The following GIGYF2 variants were observed in gnomAD, a reference collection of about 807,000 sequenced individuals.
GIGYF2 encodes GRB10 interacting GYF protein 2, also known as GRB10-interacting GYF protein 2.
GIGYF2 carries 25 observed loss-of-function variants against 208.1 expected under a neutral mutation model. That is an observed-to-expected ratio of 0.12 (90% CI 0.09 to 0.17). GIGYF2 has a LOEUF of 0.17. Ranked by LOEUF, GIGYF2 falls within the 10% of genes least tolerant of loss-of-function variation. The pLI, the probability that GIGYF2 is intolerant of heterozygous loss-of-function variation, is 1.00. For synonymous variants in GIGYF2, 534 were observed against 543.8 expected, an observed-to-expected ratio of 0.98 and a Z score of 0.25; for missense variants, 1,302 against 1,579.4, an observed-to-expected ratio of 0.82 and a Z score of 2.98.
At chr2:232,818,824 A>G (rs1574920000) in intron 20 of GIGYF2, among the ~76,000 whole-genome samples, 2 of 152,162 alleles carry the variant, frequency 1.3e-5, no homozygotes, top group Admixed American at 1.3e-4. Context: ...GTAAATTATA[A>G]TAAGTTGACC....
intron 12 of GIGYF2, among the ~76,000 whole-genome samples, chr2:232,792,860 T>C (rs1038482585): frequency 6.6e-6 from 1 of 152,186 alleles, no homozygotes; most frequent in African/African-American, 2.4e-5. Context: ...TAGATATATA[T>C]ATTCTGAGAA....
chr2:232,718,992 A>T (rs1279708640), intron 2 of GIGYF2: 4 of 147,794 alleles, frequency 2.7e-5, no homozygotes, highest in African/African-American at 9.9e-5. Context: ...GATTTGTAGT[A>T]GCACTTTTTT....
At chr2:232,698,731 G>A (rs1203755734) in intron 1 of GIGYF2, among the ~76,000 whole-genome samples, 1 of 152,172 alleles carries the variant, frequency 6.6e-6, no homozygotes, top group Non-Finnish European at 1.5e-5. Context: ...AAAGTGGCAC[G>A]TAACTGGAAA....
chr2:232,754,033 C>T (rs1333516015), intron 5 of GIGYF2, among the ~76,000 whole-genome samples: 3 of 152,072 alleles, frequency 2.0e-5, no homozygotes, highest in African/African-American at 7.2e-5. Flanking sequence ...GGCATGGTGG[C>T]ATGCGCCTGT....
chr2:232,839,750 G>T, intron 22 of GIGYF2, 99 bp from the exon 23 acceptor site: 1 of 1,191,642 alleles, frequency 8.4e-7, no homozygotes. Context: ...ATGGAGTTGA[G>T]AGAAATGCAT....
chr2:232,826,931 C>G (rs896098473), intron 21 of GIGYF2, among the ~76,000 whole-genome samples: 4 of 152,148 alleles, frequency 2.6e-5, no homozygotes, highest in African/African-American at 9.7e-5. Context: ...AAGCCAAGAC[C>G]ATCAAAAAAG....
chr2:232,824,792 G>A (rs1280958588), intron 21 of GIGYF2, among the ~76,000 whole-genome samples: 2 of 152,214 alleles, frequency 1.3e-5, no homozygotes, highest in Non-Finnish European at 2.9e-5. Flanking sequence ...GACTTTCATA[G>A]CTAGAGAGGA....
At position 232,760,327 on chromosome 2, in the gene GIGYF2, C is replaced by G; in HGVS notation, c.380-153C>G. ...CAGCTACTTCAATGCCATTGTTGGTCTCATAAGTCAAGATCATCAGGCCTC... is the reference window on the plus strand; with the variant it reads ...CAGCTACTTCAATGCCATTGTTGGTGTCATAAGTCAAGATCATCAGGCCTC... On this transcript the variant is annotated intron_variant, in intron 6 of 28. Coordinates refer to ENST00000373563, the MANE Select transcript of GIGYF2 (RefSeq NM_001103146.3). The G allele has an allele frequency of 7.8e-6, 5 of 638,698 alleles. No homozygotes were observed. The South Asian group carries it at 8.8e-5, about 11-fold the overall frequency. 39.6% of individuals were successfully genotyped at this position (638,698 alleles called of 1,614,324 possible).
intron 3 of GIGYF2, among the ~76,000 whole-genome samples, chr2:232,747,243 A>G (rs1042000315): frequency 6.6e-6 from 1 of 152,220 alleles, no homozygotes; most frequent in Non-Finnish European, 1.5e-5. Flanking sequence ...AACACCTGGT[A>G]TTATCAGACT....
chr2:232,842,235 G>C (rs35890205), intron 23 of GIGYF2, among the ~76,000 whole-genome samples: 1,856 of 152,134 alleles, frequency 0.012, 43 homozygotes, highest in African/African-American at 0.042. Flanking sequence ...CTGTCACCCA[G>C]GCTGGAGTGC....
At chr2:232,734,215 A>G (rs1303581961) in intron 2 of GIGYF2, among the ~76,000 whole-genome samples, 3 of 144,764 alleles carry the variant, frequency 2.1e-5, no homozygotes, top group Non-Finnish European at 3.0e-5. Context: ...CTCCCAAATT[A>G]TAAATTTATT....
At chr2:232,701,053 A>G (rs1206872743) in intron 1 of GIGYF2, among the ~76,000 whole-genome samples, 2 of 152,172 alleles carry the variant, frequency 1.3e-5, no homozygotes, top group Non-Finnish European at 2.9e-5. Context: ...TTAATTATGT[A>G]GGAATGTAAA....
At chr2:232,803,542 A>G (rs944295874) in intron 14 of GIGYF2, among the ~76,000 whole-genome samples, 18 of 152,010 alleles carry the variant, frequency 1.2e-4, no homozygotes, top group African/African-American at 4.1e-4. Flanking sequence ...TGTTTTCTCA[A>G]TGAGTGTCCG....
intron 8 of GIGYF2, chr2:232,771,107 C>G: frequency 1.2e-6 from 2 of 1,614,036 alleles, no homozygotes; most frequent in East Asian, 2.2e-5. Context: ...TGATCTAGTT[C>G]CAGATCACCA....
chr2:232,827,981 CTTTTCTTTTCT>C (rs542127308), intron 21 of GIGYF2, among the ~76,000 whole-genome samples: 169 of 150,772 alleles, frequency 1.1e-3, no homozygotes, highest in Non-Finnish European at 1.8e-3. Context: ...ATTTGGGAGC[CTTTTCTTTTCT>C]TTTTCTTTTT....
At chr2:232,831,967 G>C (rs1701435149) in intron 21 of GIGYF2, among the ~76,000 whole-genome samples, 2 of 151,682 alleles carry the variant, frequency 1.3e-5, no homozygotes, top group Admixed American at 6.5e-5. Flanking sequence ...TTAAACCTCT[G>C]ATGTGGCAGG....
At chr2:232,842,237 C>T (rs1033217081) in intron 23 of GIGYF2, among the ~76,000 whole-genome samples, 23 of 152,036 alleles carry the variant, frequency 1.5e-4, no homozygotes, top group Admixed American at 2.6e-4. Context: ...GTCACCCAGG[C>T]TGGAGTGCAG....
rs1046380705 is a variant in GIGYF2 at position 232,806,009 on chromosome 2, A to G, written c.1640-482A>G. The stretch of plus-strand genomic sequence containing the variant: ...TTTCATATTATAAAACATTTAGAGA[A>G]TACTCGTTTTTTCCCCACTACCAAG... On this transcript the variant is annotated intron_variant, in intron 14 of 28. Coordinates refer to ENST00000373563, the MANE Select transcript of GIGYF2 (RefSeq NM_001103146.3). The surrounding 1 kb of genome is among the most constrained non-coding windows in gnomAD (Gnocchi z 4.0). Among the ~76,000 whole-genome samples, 1 of 91,494 alleles carries G rather than the reference A, an allele frequency of 1.1e-5. No individual in the cohort carries two copies. The allele number at this position is 91,494 out of a possible 152,430, so 60.0% of individuals were successfully genotyped here.
rs1032963889 is a variant in GIGYF2, at chr2:232,750,016, C to T, written c.267+934C>T. On this transcript the variant is annotated intron_variant, in intron 5 of 28. Coordinates refer to ENST00000373563, the MANE Select transcript of GIGYF2 (RefSeq NM_001103146.3). ...CCTGGCCAACATGGTGAAACCCTATCTCTACTAAAAATAAAAAAATTAGCC... is the reference window on the plus strand; with the variant it reads ...CCTGGCCAACATGGTGAAACCCTATTTCTACTAAAAATAAAAAAATTAGCC... 5.3e-5 allele frequency among the ~76,000 whole-genome samples: 8 copies of T among 152,030 alleles called. No individual in the cohort carries two copies. In the South Asian group the frequency reaches 1.7e-3, roughly 32 times the overall value.
Sources: allele counts gnomAD v4.1 joint callset (sites outside exome capture counted in the v4.1 genomes callset), GRCh38; gene constraint gnomAD v4.1.1; non-coding constraint Gnocchi (gnomAD v3.1); transcripts MANE v1.5; gene names NCBI Gene and HGNC (gene_info 2026-07-23, HGNC 2026-07-21).